NTAQ1: variants seen among roughly 807,000 people sequenced by gnomAD.
The protein encoded by NTAQ1 is protein N-terminal glutamine amidohydrolase.
A neutral mutation model predicts 28.2 loss-of-function variants in NTAQ1; 21 were observed. The ratio of observed to expected loss-of-function variants is 0.74; its 90% CI spans 0.53 to 1.07. The LOEUF (loss-of-function observed/expected upper bound fraction) is 1.07. Among genes scored for constraint, NTAQ1 ranks in the 50% least tolerant of loss-of-function variants. The probability of loss-of-function intolerance (pLI) is 0.00; values close to 1 mark genes in which losing one functional copy is unlikely to be tolerated. For missense variants in NTAQ1, 264 were observed against 256.6 expected, an observed-to-expected ratio of 1.03 and a Z score of -0.20; for synonymous variants, 105 against 90.0, an observed-to-expected ratio of 1.17 and a Z score of -0.94.
At chr8:123,423,244 C>T (rs1472587867) in intron 1 of NTAQ1, among the ~76,000 whole-genome samples, 1 of 139,512 alleles carries the variant, frequency 7.2e-6, no homozygotes, top group East Asian at 2.0e-4. Context: ...TCCCTCCTTC[C>T]CTCCCTCCTT....
chr8:123,468,662 G>A lies in NTAQ1; in HGVS notation c.*1512G>A, dbSNP rs1355734843. On this transcript the variant is annotated 3_prime_UTR_variant, in exon 7 of 7. Coordinates refer to the NTAQ1 transcript ENST00000650311. The stretch of plus-strand genomic sequence containing the variant: ...GGCTATTGTGAATAATACTGCAAGC[G>A]ACATAGATGTGCAAATATCTCTGTG... 2.6e-5 allele frequency among the ~76,000 whole-genome samples: 4 copies of A among 152,122 alleles called. No individual in the cohort carries two copies. In the South Asian group the frequency reaches 8.3e-4, roughly 32 times the overall value.
downstream of NTAQ1, among the ~76,000 whole-genome samples, chr8:123,448,675 C>G (rs555161099): frequency 2.2e-4 from 34 of 152,312 alleles, no homozygotes; most frequent in Non-Finnish European, 3.8e-4. Context: ...CAGACTGCCC[C>G]CTTAGTGTCC....
chr8:123,426,485 C>T (rs903755686), intron 1 of NTAQ1, among the ~76,000 whole-genome samples: 1 of 152,176 alleles, frequency 6.6e-6, no homozygotes, highest in African/African-American at 2.4e-5. Flanking sequence ...GCCTGAGCAA[C>T]ATGGCAAGAC....
chr8:123,449,929 A>ATATGTGTG (rs1554657623), downstream of NTAQ1, among the ~76,000 whole-genome samples: 12 of 66,712 alleles, frequency 1.8e-4, no homozygotes, highest in African/African-American at 4.0e-4. Context: ...GTATATATAT[A>ATATGTGTG]TGTGTGTGTG....
intron 6 of NTAQ1, among the ~76,000 whole-genome samples, chr8:123,456,980 A>G (rs1815667378): frequency 6.6e-6 from 1 of 152,228 alleles, no homozygotes; most frequent in Non-Finnish European, 1.5e-5. Context: ...AACCATCTGT[A>G]GGCTTATCAA....
At chr8:123,432,927 G>T (rs959007134) in intron 3 of NTAQ1, among the ~76,000 whole-genome samples, 2 of 152,084 alleles carry the variant, frequency 1.3e-5, no homozygotes, top group African/African-American at 2.4e-5. Flanking sequence ...TGATCCGCCC[G>T]CCTCGGCCTC....
chr8:123,459,348 C>A (rs1815750477), intron 6 of NTAQ1, among the ~76,000 whole-genome samples: 2 of 152,104 alleles, frequency 1.3e-5, no homozygotes, highest in South Asian at 4.1e-4. Flanking sequence ...GGTGCACCAC[C>A]CTCCCAGCAC....
At chr8:123,417,539 G>A (rs1270921414) in intron 1 of NTAQ1, among the ~76,000 whole-genome samples, 1 of 152,080 alleles carries the variant, frequency 6.6e-6, no homozygotes, top group Non-Finnish European at 1.5e-5. Context: ...TCAGGGTCTG[G>A]CCCCGGAATC....
chr8:123,448,862 C>T (rs1441412623), downstream of NTAQ1, among the ~76,000 whole-genome samples: 2 of 152,104 alleles, frequency 1.3e-5, no homozygotes, highest in Non-Finnish European at 2.9e-5. Flanking sequence ...GGCTAGAGGT[C>T]CTCAAAGATG....
At chr8:123,464,223 G>A (rs572814429) in intron 6 of NTAQ1, among the ~76,000 whole-genome samples, 15 of 152,246 alleles carry the variant, frequency 9.9e-5, no homozygotes, top group African/African-American at 3.4e-4. Flanking sequence ...AAGGAGGCTG[G>A]GTCTTTATAC....
At chr8:123,431,644 A>G (rs1814402714) in intron 3 of NTAQ1, among the ~76,000 whole-genome samples, 1 of 152,208 alleles carries the variant, frequency 6.6e-6, no homozygotes, top group African/African-American at 2.4e-5. Flanking sequence ...CTCTAGGGTT[A>G]GGAGCACAGG....
intron 3 of NTAQ1, among the ~76,000 whole-genome samples, chr8:123,430,757 GGT>G (rs1439141868): frequency 6.6e-6 from 1 of 152,128 alleles, no homozygotes; most frequent in Non-Finnish European, 1.5e-5. Context: ...CTCCAGCTTG[GGT>G]GACAGAGAGA....
At chr8:123,460,896 T>C (rs927323915) in intron 6 of NTAQ1, among the ~76,000 whole-genome samples, 9 of 151,998 alleles carry the variant, frequency 5.9e-5, no homozygotes, top group Non-Finnish European at 1.2e-4. Flanking sequence ...CAGAGATGAG[T>C]TGAGGAGGCG....
intron 1 of NTAQ1, 28 bp downstream of exon 1, chr8:123,416,960 G>C: frequency 6.9e-7 from 1 of 1,439,400 alleles, no homozygotes; most frequent in Non-Finnish European, 9.2e-7. Flanking sequence ...CAGCCTCTGG[G>C]TCTCCCAGGC....
At chr8:123,437,494 G>A (rs1814790590) in intron 5 of NTAQ1, among the ~76,000 whole-genome samples, 160 bp downstream of exon 5, 1 of 152,132 alleles carries the variant, frequency 6.6e-6, no homozygotes, top group Non-Finnish European at 1.5e-5. Flanking sequence ...ACGAGGTCAG[G>A]AGATAGACAC....
At chr8:123,450,404 TG>T (rs1815455166), downstream of NTAQ1, among the ~76,000 whole-genome samples, 1 of 123,924 alleles carries the variant, frequency 8.1e-6, no homozygotes, top group Non-Finnish European at 1.7e-5. Context: ...GGAAGTAGAG[TG>T]GTTTGGGAAG....
intron 6 of NTAQ1, among the ~76,000 whole-genome samples, chr8:123,462,300 A>G (rs1586971490): frequency 6.6e-6 from 1 of 152,152 alleles, no homozygotes; most frequent in Non-Finnish European, 1.5e-5. Context: ...TGCCTGCCTC[A>G]GCTTCCCAAA....
At chr8:123,443,067 T>G (rs1442044209), downstream of NTAQ1, among the ~76,000 whole-genome samples, 1 of 151,800 alleles carries the variant, frequency 6.6e-6, no homozygotes, top group South Asian at 2.1e-4. Context: ...TCGCCCAGGC[T>G]GGAGTGCAGT....
downstream of NTAQ1, among the ~76,000 whole-genome samples, chr8:123,446,692 T>C (rs991600276): frequency 6.6e-6 from 1 of 152,210 alleles, no homozygotes; most frequent in Non-Finnish European, 1.5e-5. Context: ...AGTGCCATCT[T>C]CAAAGCAGAG....
Sources: allele counts gnomAD v4.1 joint callset (sites outside exome capture counted in the v4.1 genomes callset), GRCh38; gene constraint gnomAD v4.1.1; transcripts MANE v1.5; gene names NCBI Gene and HGNC (gene_info 2026-07-23, HGNC 2026-07-21).